SLC7A14: variants seen among roughly 807,000 people sequenced by gnomAD.
The protein encoded by SLC7A14 is gamma-aminobutyric acid transporter SLC7A14.
A neutral mutation model predicts 60.2 loss-of-function variants in SLC7A14; 37 were observed. That is an observed-to-expected ratio of 0.61 (90% CI 0.47 to 0.81). The LOEUF is 0.81. Among genes scored for constraint, SLC7A14 ranks in the 30% least tolerant of loss-of-function variants. SLC7A14 has a pLI of 0.00. For missense variants in SLC7A14, 886 were observed against 982.7 expected (o/e 0.90, Z 1.32); for synonymous variants, 399 against 395.8 (o/e 1.01, Z -0.10).
intron 1 of SLC7A14, among the ~76,000 whole-genome samples, chr3:170,563,283 A>G (rs76719317): frequency 0.013 from 1,977 of 151,912 alleles, 44 homozygotes; most frequent in African/African-American, 0.045. Context: ...CTGCTGTCTC[A>G]TATCTCACCT....
chr3:170,484,405 A>C (rs1711949323), intron 5 of SLC7A14, among the ~76,000 whole-genome samples: 1 of 152,168 alleles, frequency 6.6e-6, no homozygotes, highest in African/African-American at 2.4e-5. Flanking sequence ...GGGAGGTGAT[A>C]AGCACTTAAC....
At chr3:170,499,106 G>A (rs1166240993) in intron 3 of SLC7A14, among the ~76,000 whole-genome samples, 6 of 151,506 alleles carry the variant, frequency 4.0e-5, no homozygotes, top group East Asian at 1.9e-4. Context: ...GTGTGGTGGC[G>A]GGCGCCTGTA....
intron 1 of SLC7A14, among the ~76,000 whole-genome samples, chr3:170,549,214 CTTTT>C (rs113114531): frequency 3.1e-5 from 4 of 129,504 alleles, no homozygotes; most frequent in Non-Finnish European, 1.6e-5. Context: ...CGGCCTTCTT[CTTTT>C]TTTTTTTTTT....
At chr3:170,520,257 C>A (rs1374396765) in intron 2 of SLC7A14, among the ~76,000 whole-genome samples, 1 of 152,162 alleles carries the variant, frequency 6.6e-6, no homozygotes, top group Non-Finnish European at 1.5e-5. Context: ...AAGTGTAACA[C>A]CACTTGTCAC....
At chr3:170,583,866 G>A (rs1459800192) in intron 1 of SLC7A14, among the ~76,000 whole-genome samples, 1 of 152,162 alleles carries the variant, frequency 6.6e-6, no homozygotes, top group African/African-American at 2.4e-5. Context: ...GTGGGTGAAC[G>A]GATTAAAGAG....
chr3:170,565,632 A>G (rs962987913), intron 1 of SLC7A14, among the ~76,000 whole-genome samples: 1 of 152,132 alleles, frequency 6.6e-6, no homozygotes, highest in African/African-American at 2.4e-5. Flanking sequence ...GAGTGCAAAA[A>G]AAGTCAGAGG....
In SLC7A14 at chr3:170,463,348, G is replaced by C. The variant is rs917703350; in HGVS notation, c.*3707C>G. On this transcript the variant is annotated 3_prime_UTR_variant, in exon 8 of 8. Coordinates refer to ENST00000231706, the MANE Select transcript of SLC7A14 (RefSeq NM_020949.3). ...GCATGCCTTTCTCTCATTTCTACTTGATAAAATTCTACCCACTTCACAAGT... is the reference window on the plus strand; with the variant it reads ...GCATGCCTTTCTCTCATTTCTACTTCATAAAATTCTACCCACTTCACAAGT... The C allele has an allele frequency of 2.0e-5, 3 of 151,926 alleles. No individual in the cohort carries two copies. The highest frequency in any genetic ancestry group is 7.3e-5 in the African/African-American group (3 of 41,346). The allele number at this position is 151,926 out of a possible 1,614,324, so 9.4% of individuals were successfully genotyped here.
At position 170,466,744 on chromosome 3, in the gene SLC7A14, G is replaced by A. The variant is rs145573305; in HGVS notation, c.*311C>T. 112 of 232,332 alleles carry A rather than the reference G, an allele frequency of 4.8e-4. No homozygotes were observed. Among genetic ancestry groups the A allele is most frequent in the African/African-American group, 2.3e-3 (101 of 43,872 alleles). The allele number at this position is 232,332 out of a possible 1,614,324, so 14.4% of individuals were successfully genotyped here. ...AGAGCCCCTGCTTGGGCTTCAACCA[G>A]CAAAGCAAAGGCCTAGGAAACATTT... On this transcript the variant is annotated 3_prime_UTR_variant, in exon 8 of 8. Transcript: ENST00000231706.
chr3:170,508,425 T>C (rs1712855189), intron 2 of SLC7A14, among the ~76,000 whole-genome samples: 1 of 152,194 alleles, frequency 6.6e-6, no homozygotes, highest in Non-Finnish European at 1.5e-5. Context: ...TCAGGCCCTA[T>C]TAGGTATTTT....
chr3:170,480,637 C>T lies in SLC7A14; in HGVS notation c.1645G>A (p.Gly549Ser). The change falls in exon 7 of 8, where the codon GGC (glycine) becomes AGC (serine). Residue 549 changes from glycine to serine, a missense_variant. By Grantham distance (56) the Gly-to-Ser change is moderately conservative (BLOSUM62 0). Coordinates refer to ENST00000231706, the MANE Select transcript of SLC7A14 (RefSeq NM_020949.3). ...PHYYTMRIRLGLPGKMDRPTA... is the reference protein window; with the variant it reads ...PHYYTMRIRLSLPGKMDRPTA... ...GGCCGGTCCATTTTGCCTGGAAGGC[C>T]CAGCCGGATTCTCATGGTGTAATAA... 6 of 1,614,222 alleles carry T rather than the reference C, an allele frequency of 3.7e-6. No homozygotes were observed. Among genetic ancestry groups the T allele is most frequent in the Non-Finnish European group, 5.1e-6 (6 of 1,180,048 alleles).
In SLC7A14 at chr3:170,465,913, G is replaced by T. The variant is rs1739706241; in HGVS notation, c.*1142C>A. 1 of 151,944 alleles carries T rather than the reference G, an allele frequency of 6.6e-6. No homozygotes were observed. Among genetic ancestry groups the T allele is most frequent in the Admixed American group, 6.6e-5 (1 of 15,242 alleles). The allele number at this position is 151,944 out of a possible 1,614,324, so 9.4% of individuals were successfully genotyped here. On this transcript the variant is annotated 3_prime_UTR_variant, in exon 8 of 8. Coordinates refer to ENST00000231706, the MANE Select transcript of SLC7A14 (RefSeq NM_020949.3). The stretch of plus-strand genomic sequence containing the variant: ...CAGGTAGATATTTCTCTGGGCTTCA[G>T]TGAAACTACTCTGGGAAATAACAGG...
In SLC7A14 at chr3:170,498,907, G is replaced by T. The variant is rs745340993; in HGVS notation, c.542-23C>A. 11 of 1,611,230 alleles carry T rather than the reference G, an allele frequency of 6.8e-6. No homozygotes were observed. The African/African-American group carries it at 1.2e-4, about 18-fold the overall frequency. ...TCCCTAGAGAGGAAAGACATGATTTGACATTGTCTGGAGGGAAGAAAGGGC... is the reference window on the plus strand; with the variant it reads ...TCCCTAGAGAGGAAAGACATGATTTTACATTGTCTGGAGGGAAGAAAGGGC... On this transcript the variant is annotated intron_variant, in intron 3 of 7. Transcript: ENST00000231706.
chr3:170,555,686 C>T (rs1265094910), intron 1 of SLC7A14, among the ~76,000 whole-genome samples: 2 of 152,106 alleles, frequency 1.3e-5, no homozygotes, highest in Non-Finnish European at 2.9e-5. Flanking sequence ...GCAATGGGAA[C>T]AGAGTGGTAA....
chr3:170,574,670 C>G (rs1161207665), intron 1 of SLC7A14, among the ~76,000 whole-genome samples: 1 of 152,188 alleles, frequency 6.6e-6, no homozygotes, highest in South Asian at 2.1e-4. Context: ...TGAAGGATAA[C>G]AAGTTGTGGG....
At chr3:170,555,803 G>A (rs781225517) in intron 1 of SLC7A14, among the ~76,000 whole-genome samples, 7 of 152,104 alleles carry the variant, frequency 4.6e-5, no homozygotes, top group Non-Finnish European at 8.8e-5. Flanking sequence ...CCATTATATA[G>A]CACATGACTA....
chr3:170,521,108 C>T (rs1265369342), intron 2 of SLC7A14, among the ~76,000 whole-genome samples: 1 of 152,196 alleles, frequency 6.6e-6, no homozygotes, highest in Non-Finnish European at 1.5e-5. Flanking sequence ...TAGATAAGAC[C>T]TTTTGGACAA....
intron 1 of SLC7A14, among the ~76,000 whole-genome samples, chr3:170,562,346 C>G (rs1191405737): frequency 1.3e-5 from 2 of 152,158 alleles, no homozygotes; most frequent in East Asian, 3.8e-4. Flanking sequence ...TTGCAGCAAC[C>G]TGGATGGGAT....
chr3:170,503,106 T>A (rs1309156280), intron 2 of SLC7A14: 2 of 152,228 alleles, frequency 1.3e-5, no homozygotes, highest in African/African-American at 4.8e-5. Flanking sequence ...AAGCTGTTTG[T>A]CTCTACATTA....
chr3:170,461,833 G>A lies in SLC7A14; in HGVS notation c.*5222C>T, dbSNP rs4955730. On this transcript the variant is annotated 3_prime_UTR_variant, in exon 8 of 8. Coordinates refer to ENST00000231706, the MANE Select transcript of SLC7A14 (RefSeq NM_020949.3). ...ACAGGGGAAGCAGAGGCTCCATGAA[G>A]ACTTTGGATAGAAACATCTTCCTTG... 0.8 allele frequency: 121,471 copies of A among 152,264 alleles called. 48,896 individuals carry two copies. The highest frequency in any genetic ancestry group is 0.91 in the African/African-American group (37,834 of 41,514). The allele number at this position is 152,264 out of a possible 1,614,324, so 9.4% of individuals were successfully genotyped here.
Sources: gnomAD v4.1 joint callset for allele counts (sites outside exome capture counted in the v4.1 genomes callset) on GRCh38, gnomAD v4.1.1 for gene constraint, MANE v1.5 for transcripts, NCBI Gene and HGNC (gene_info 2026-07-23, HGNC 2026-07-21) for gene names.